USP34: variants seen among roughly 807,000 people sequenced by gnomAD.
USP34 encodes ubiquitin specific peptidase 34.
Under a neutral mutation model 460.3 loss-of-function variants are expected in USP34, and 70 were observed. The observed-to-expected ratio is 0.15, with a 90% CI of 0.13 to 0.19. The LOEUF (loss-of-function observed/expected upper bound fraction) is 0.19. Ranked by LOEUF, USP34 falls within the 10% of genes least tolerant of loss-of-function variation. The probability of loss-of-function intolerance (pLI) is 1.00; values close to 1 mark genes in which losing one functional copy is unlikely to be tolerated. For missense variants in USP34, 3,985 were observed against 4,236.2 expected (o/e 0.94, Z 1.65); for synonymous variants, 1,647 against 1,405.3 (o/e 1.17, Z -3.85).
chr2:61,323,208 T>C (rs574125225), intron 21 of USP34, among the ~76,000 whole-genome samples: 102 of 152,074 alleles, frequency 6.7e-4, no homozygotes, highest in Non-Finnish European at 1.3e-3. Context: ...AATGAGACTC[T>C]GTACAAATAA....
chr2:61,454,870 CTTTTTTTT>C (rs935894179), intron 1 of USP34, among the ~76,000 whole-genome samples: 2 of 36,296 alleles, frequency 5.5e-5, no homozygotes, highest in African/African-American at 1.3e-4. Context: ...TTTTTTTTTT[CTTTTTTTT>C]TTTTTTTGGT....
At chr2:61,469,363 G>C (rs578234473) in intron 1 of USP34, among the ~76,000 whole-genome samples, 11 of 152,294 alleles carry the variant, frequency 7.2e-5, no homozygotes, top group Admixed American at 2.0e-4. Flanking sequence ...GAGGATTTAA[G>C]TTTATCATAT....
chr2:61,319,258 G>C lies in USP34; in HGVS notation c.3083C>G (p.Ala1028Gly). 1 of 1,595,612 alleles carries C rather than the reference G, an allele frequency of 6.3e-7. No individual in the cohort carries two copies. Among genetic ancestry groups the C allele is most frequent in the Non-Finnish European group, 8.5e-7 (1 of 1,174,346 alleles). The part of the protein sequence containing the change: ...LVEDSECYDD[A>G]LHWFLNQVRS... ...AACTTGATTTAAAAACCAATGGAGT[G>C]CATCATCATAACATTCAGAATCTTC... The change falls in exon 22 of 80, where the codon GCA (alanine) becomes GGA (glycine). Residue 1028 changes from alanine to glycine, a missense_variant. Coordinates refer to ENST00000398571, the MANE Select transcript of USP34 (RefSeq NM_014709.4).
At chr2:61,285,046 G>T in intron 34 of USP34, 89 bp from the exon 35 acceptor site, 1 of 984,720 alleles carries the variant, frequency 1.0e-6, no homozygotes, top group Non-Finnish European at 1.5e-6. Flanking sequence ...CTAAAGAGAT[G>T]TGTATTACAA....
At chr2:61,423,994 A>T (rs980502489) in intron 1 of USP34, among the ~76,000 whole-genome samples, 1 of 152,232 alleles carries the variant, frequency 6.6e-6, no homozygotes, top group East Asian at 1.9e-4. Context: ...ATAAATGTTC[A>T]CAAGTTATGT....
chr2:61,446,385 C>A (rs1186707), intron 1 of USP34, among the ~76,000 whole-genome samples: 92,407 of 151,974 alleles, frequency 0.61, 28,150 homozygotes, highest in Middle Eastern at 0.68. Flanking sequence ...AATATTTTAA[C>A]AGCTTTGTCT....
intron 27 of USP34, among the ~76,000 whole-genome samples, chr2:61,306,731 C>T (rs1401164275): frequency 1.3e-5 from 2 of 152,060 alleles, no homozygotes; most frequent in South Asian, 2.1e-4. Flanking sequence ...TCATCACTGG[C>T]CATCAGAGAA....
At chr2:61,291,655 G>A (rs1022583189) in intron 33 of USP34, among the ~76,000 whole-genome samples, 2 of 152,150 alleles carry the variant, frequency 1.3e-5, no homozygotes, top group Non-Finnish European at 2.9e-5. Flanking sequence ...ACAGACACAT[G>A]AAAAGCTGCT....
At chr2:61,223,538 T>A in intron 62 of USP34, 1 of 468,146 alleles carries the variant, frequency 2.1e-6, no homozygotes, top group Non-Finnish European at 3.8e-6. Context: ...ACTATTTTAG[T>A]ATATAAAACA....
At chr2:61,259,802 A>G (rs1397362811) in intron 43 of USP34, 26 bp from the exon 44 acceptor site, 4 of 1,606,472 alleles carry the variant, frequency 2.5e-6, no homozygotes, top group Non-Finnish European at 3.4e-6. Context: ...AAACACCATT[A>G]AAAACACAGA....
chr2:61,207,531 C>G (rs77501240), intron 70 of USP34: 1 of 152,432 alleles, frequency 6.6e-6, no homozygotes, highest in African/African-American at 2.4e-5. Context: ...GCAGCAGTAC[C>G]TAATATGAAC....
At chr2:61,435,516 G>A (rs1413718575) in intron 1 of USP34, among the ~76,000 whole-genome samples, 2 of 151,148 alleles carry the variant, frequency 1.3e-5, no homozygotes, top group African/African-American at 4.9e-5. Flanking sequence ...CTGCAGAAAC[G>A]CAGGAGAAAT....
chr2:61,218,830 CAT>C (rs1460561561), intron 67 of USP34, among the ~76,000 whole-genome samples: 5 of 152,130 alleles, frequency 3.3e-5, no homozygotes. Flanking sequence ...GCCATCACGC[CAT>C]ATCAAGGGTA....
At position 61,235,132 on chromosome 2, in the gene USP34, T is replaced by C. The variant is rs1183621921; in HGVS notation, c.7032+713A>G. Among the ~76,000 whole-genome samples the C allele has an allele frequency of 2.0e-5, 3 of 152,190 alleles. 1 individual carries two copies. The East Asian group carries it at 5.8e-4, about 29-fold the overall frequency. ...ATACACATAACTACATGGTGATAGA[T>C]GTGTTAATTAATTTGAATGTGGGGT... On this transcript the variant is annotated intron_variant, in intron 57 of 79. Transcript: ENST00000398571.
In USP34 at chr2:61,413,847, C is replaced by T. The variant is rs1361284367; in HGVS notation, c.131+6899G>A. Among the ~76,000 whole-genome samples the T allele has an allele frequency of 4.7e-5, 7 of 147,452 alleles. No individual in the cohort carries two copies. In the Admixed American group the frequency reaches 4.9e-4, roughly 10 times the overall value. On this transcript the variant is annotated intron_variant, in intron 2 of 79. Transcript: ENST00000398571. The stretch of plus-strand genomic sequence containing the variant: ...TCAGGAGGCTGAGGCAGGAGAATTG[C>T]CTGAACCTGGAAGGCGGAGGCTGCA...
In USP34 at chr2:61,204,038, A is replaced by AG. The variant is rs1167980055; in HGVS notation, c.9384+217dup. On this transcript the variant is annotated intron_variant, in intron 74 of 79. Coordinates refer to ENST00000398571, the MANE Select transcript of USP34 (RefSeq NM_014709.4). ...AGACTTACTATTAAGGTAATTTTTGAGGGGGAAAAAAAACTTACTACTTGT... is the reference window on the plus strand; with the variant it reads ...AGACTTACTATTAAGGTAATTTTTGAGGGGGGAAAAAAAACTTACTACTTGT... 4.0e-5 allele frequency among the ~76,000 whole-genome samples: 6 copies of AG among 151,890 alleles called. No homozygotes were observed. The East Asian group carries it at 9.7e-4, about 24-fold the overall frequency.
chr2:61,297,299 A>C (rs1340007447), intron 29 of USP34, among the ~76,000 whole-genome samples: 1 of 152,244 alleles, frequency 6.6e-6, no homozygotes, highest in Non-Finnish European at 1.5e-5. Flanking sequence ...AGACTGGGTG[A>C]ATTAAATCCT....
At chr2:61,250,219 A>T (rs1688538750) in intron 48 of USP34, 1 of 165,858 alleles carries the variant, frequency 6.0e-6, no homozygotes, top group South Asian at 1.5e-4. Flanking sequence ...CTCAAAAAAG[A>T]AAAGAAAAAC....
chr2:61,246,504 T>C (rs1231046360), intron 49 of USP34, 27 bp from the exon 50 acceptor site: 7 of 1,451,352 alleles, frequency 4.8e-6, no homozygotes, highest in Middle Eastern at 2.0e-4. Flanking sequence ...AGAATGGAAA[T>C]AATTTTCCAA....
Sources: allele counts gnomAD v4.1 joint callset (sites outside exome capture counted in the v4.1 genomes callset), GRCh38; gene constraint gnomAD v4.1.1; transcripts MANE v1.5; gene names NCBI Gene and HGNC (gene_info 2026-07-23, HGNC 2026-07-21).